The following PIK3R3 variants were observed in gnomAD, a reference collection of about 807,000 sequenced individuals.
PIK3R3 encodes the protein phosphatidylinositol 3-kinase regulatory subunit gamma.
Under a neutral mutation model 62.9 loss-of-function variants are expected in PIK3R3, and 64 were observed. That is an observed-to-expected ratio of 1.02 (90% CI 0.83 to 1.25). PIK3R3 has a LOEUF of 1.25. PIK3R3 is among the 50% of genes most tolerant of loss of function. The pLI is 0.00. For synonymous variants in PIK3R3, 165 were observed against 189.0 expected (o/e 0.87, Z 1.04); for missense variants, 614 against 561.6 (o/e 1.09, Z -0.94).
In PIK3R3 at chr1:46,040,361, C is replaced by G. The variant is rs1180817100; in HGVS notation, c.*3312G>C. On this transcript the variant is annotated 3_prime_UTR_variant, in exon 10 of 10. Coordinates refer to ENST00000262741, the MANE Select transcript of PIK3R3 (RefSeq NM_003629.4). ...ATGAACTGTCCCATCACAAGACATA[C>G]AGTTGGCTTTCTTGTGAGTCAGATA... The G allele has an allele frequency of 8.6e-6, 2 of 231,620 alleles. No homozygotes were observed. The highest frequency in any genetic ancestry group is 4.4e-5 in the African/African-American group (2 of 45,218). The allele number at this position is 231,620 out of a possible 1,614,324, so 14.3% of individuals were successfully genotyped here.
chr1:46,106,973 C>T (rs1653267546), intron 1 of PIK3R3, among the ~76,000 whole-genome samples: 1 of 152,066 alleles, frequency 6.6e-6, no homozygotes. Context: ...CGGGGTCAGG[C>T]TGGTCTCAAA....
intron 1 of PIK3R3, among the ~76,000 whole-genome samples, chr1:46,118,920 C>T (rs1270583281): frequency 6.6e-6 from 1 of 151,960 alleles, no homozygotes; most frequent in Non-Finnish European, 1.5e-5. Context: ...TAGATGATCC[C>T]TGAATATATC....
At chr1:46,048,861 C>T (rs1235520340) in intron 7 of PIK3R3, among the ~76,000 whole-genome samples, 2 of 152,172 alleles carry the variant, frequency 1.3e-5, no homozygotes, top group Non-Finnish European at 2.9e-5. Flanking sequence ...TCCTTACAAA[C>T]CTATTAACAA....
chr1:46,174,594 G>T, the PIK3R3 span, among the ~76,000 whole-genome samples: 40 of 152,226 alleles, frequency 2.6e-4, no homozygotes, highest in Non-Finnish European at 5.3e-4. Flanking sequence ...GGTGCAACAC[G>T]TATTAGCCCA....
intron 7 of PIK3R3, among the ~76,000 whole-genome samples, chr1:46,055,570 TTGTA>T (rs1647806891): frequency 6.6e-6 from 1 of 152,248 alleles, no homozygotes; most frequent in Non-Finnish European, 1.5e-5. Flanking sequence ...TCCAAGGCAT[TTGTA>T]TGGATCAAGA....
rs767784187 is a variant in PIK3R3 at position 46,062,047 on chromosome 1, T to C, written c.646A>G (p.Ile216Val). 104 of 1,611,392 alleles carry C rather than the reference T, an allele frequency of 6.5e-5. No homozygotes were observed. The highest frequency in any genetic ancestry group is 5.0e-4 in the Admixed American group (30 of 59,828). ...SQEIQMKRTA[I>V]EAFNETIKIF... The stretch of plus-strand genomic sequence containing the variant: ...TTAATTGTTTCATTAAAAGCTTCTA[T>C]TGCAGTCCTCTTCATCTGTATTTCC... The change falls in exon 6 of 10, where the codon ATA becomes GTA. Residue 216 changes from isoleucine to valine, a missense_variant. Physicochemically the swap from Ile to Val is conservative, Grantham distance 29 (BLOSUM62 3). Coordinates refer to ENST00000262741, the MANE Select transcript of PIK3R3 (RefSeq NM_003629.4).
At chr1:46,142,792 G>C in the PIK3R3 span, among the ~76,000 whole-genome samples, 2 of 152,160 alleles carry the variant, frequency 1.3e-5, no homozygotes, top group Admixed American at 6.6e-5. Context: ...GAAGCTACAG[G>C]GTAGGCATGA....
At chr1:46,086,909 T>C (rs1651108932) in intron 1 of PIK3R3, among the ~76,000 whole-genome samples, 1 of 152,158 alleles carries the variant, frequency 6.6e-6, no homozygotes, top group Non-Finnish European at 1.5e-5. Context: ...AGATAAAGGC[T>C]GCCTGTCAAC....
chr1:46,139,572 G>A, the PIK3R3 span, among the ~76,000 whole-genome samples: 1 of 152,214 alleles, frequency 6.6e-6, no homozygotes, highest in African/African-American at 2.4e-5. Context: ...CTACCAAAGT[G>A]CTGGGATTAC....
At chr1:46,049,160 T>G (rs1378483915) in intron 7 of PIK3R3, among the ~76,000 whole-genome samples, 1 of 143,594 alleles carries the variant, frequency 7.0e-6, no homozygotes, top group Non-Finnish European at 1.6e-5. Context: ...CAGCAATCTC[T>G]TCTTAAAAAA....
At position 46,132,040 on chromosome 1, in the gene PIK3R3, A is replaced by G. The variant is rs1364230506; in HGVS notation, c.-88T>C. On this transcript the variant is annotated 5_prime_UTR_variant, in exon 1 of 10. Coordinates refer to ENST00000262741, the MANE Select transcript of PIK3R3 (RefSeq NM_003629.4). ...TAAAAATCTAAAAATATATATCTGC[A>G]AAAGTTCCACACGGAAATGTACTTC... is the stretch of plus-strand genomic sequence containing the variant. 7.8e-6 allele frequency: 12 copies of G among 1,532,006 alleles called. No individual in the cohort carries two copies. The highest frequency in any genetic ancestry group is 1.1e-5 in the Non-Finnish European group (12 of 1,141,334). 94.9% of individuals were successfully genotyped at this position (1,532,006 alleles called of 1,614,324 possible).
chr1:46,104,996 G>A (rs916952093), intron 1 of PIK3R3: 11 of 684,882 alleles, frequency 1.6e-5, no homozygotes, highest in African/African-American at 9.1e-5. Flanking sequence ...GCAAACAATC[G>A]CAAGGCAGAG....
chr1:46,047,791 GTTTT>G (rs1052249698), intron 7 of PIK3R3, among the ~76,000 whole-genome samples: 3 of 151,876 alleles, frequency 2.0e-5, no homozygotes, highest in African/African-American at 7.3e-5. Context: ...GTTGGTTGGG[GTTTT>G]TTTGAGACGG....
intron 1 of PIK3R3, among the ~76,000 whole-genome samples, chr1:46,085,021 G>T (rs995900546): frequency 6.6e-6 from 1 of 152,178 alleles, no homozygotes; most frequent in Non-Finnish European, 1.5e-5. Context: ...GCATGAGGAA[G>T]CTGCTATTTA....
At chr1:46,103,857 G>C (rs148905378) in intron 1 of PIK3R3, among the ~76,000 whole-genome samples, 5,094 of 151,956 alleles carry the variant, frequency 0.034, 286 homozygotes, top group African/African-American at 0.12. Context: ...GCCTCCCAAA[G>C]TGCTGGGATT....
chr1:46,065,624 T>C (rs1272659187), intron 5 of PIK3R3, among the ~76,000 whole-genome samples: 3 of 152,338 alleles, frequency 2.0e-5, no homozygotes, highest in Admixed American at 6.5e-5. Flanking sequence ...GTCTTAAAGA[T>C]AGAGAACCTT....
chr1:46,074,298 AAAAAAAAAAAAAAAAAAAAC>A (rs1242719701), intron 3 of PIK3R3, among the ~76,000 whole-genome samples: 7 of 141,344 alleles, frequency 5.0e-5, no homozygotes, highest in African/African-American at 1.9e-4. Context: ...AAAAAAAAAA[AAAAAAAAAAAAAAAAAAAAC>A]CAATAAATTC....
chr1:46,168,768 A>G, the PIK3R3 span, among the ~76,000 whole-genome samples: 1 of 152,300 alleles, frequency 6.6e-6, no homozygotes, highest in African/African-American at 2.4e-5. Flanking sequence ...TGGAGGCCTG[A>G]CAACTAGCTC....
chr1:46,059,448 T>G (rs932297157), intron 6 of PIK3R3, among the ~76,000 whole-genome samples: 2 of 152,284 alleles, frequency 1.3e-5, no homozygotes, highest in Admixed American at 6.5e-5. Context: ...ACACACAACG[T>G]TTTGCTATAC....
Sources: allele counts gnomAD v4.1 joint callset (sites outside exome capture counted in the v4.1 genomes callset), GRCh38; gene constraint gnomAD v4.1.1; transcripts MANE v1.5; gene names NCBI Gene and HGNC (gene_info 2026-07-23, HGNC 2026-07-21).